C3orf70: variants seen among roughly 807,000 people sequenced by gnomAD.
The protein encoded by C3orf70 is chromosome 3 open reading frame 70.
C3orf70 carries 15 observed loss-of-function variants against 20.7 expected under a neutral mutation model. That is an observed-to-expected ratio of 0.72 (90% CI 0.48 to 1.11). C3orf70 has a LOEUF of 1.11. C3orf70 is among the 50% of genes most tolerant of loss of function. The pLI is 0.00. For synonymous variants in C3orf70, 161 were observed against 125.7 expected, an observed-to-expected ratio of 1.28 and a Z score of -1.88; for missense variants, 332 against 317.6, an observed-to-expected ratio of 1.05 and a Z score of -0.34.
chr3:185,109,356 C>A (rs1425373054), intron 1 of C3orf70, among the ~76,000 whole-genome samples: 2 of 152,124 alleles, frequency 1.3e-5, no homozygotes, highest in East Asian at 1.9e-4. Context: ...TTCTCCAGGT[C>A]AAAATCAACA....
intron 1 of C3orf70, among the ~76,000 whole-genome samples, chr3:185,118,452 G>C (rs1286677044): frequency 6.6e-6 from 1 of 152,112 alleles, no homozygotes; most frequent in Non-Finnish European, 1.5e-5. Flanking sequence ...TTAATGACAA[G>C]GGCTGTGTCT....
chr3:185,152,783 TTCCAACCCCGC>T lies in C3orf70; in HGVS notation c.30_40del (p.Arg11GlufsTer6). 1.3e-6 allele frequency: 2 copies of T among 1,571,764 alleles called. No individual in the cohort carries two copies. The highest frequency in any genetic ancestry group is 1.7e-6 in the Non-Finnish European group (2 of 1,158,512). On this transcript the variant is annotated frameshift_variant, in exon 1 of 2. Coordinates refer to ENST00000335012, the MANE Select transcript of C3orf70 (RefSeq NM_001025266.3). LOFTEE classifies it high-confidence loss of function. ...CTGAGCCTCATCTAGTTTCTCGCTC[TTCCAACCCCGC>T]TCCGACGCCGGCGAGGCCGCCGCAC...
At chr3:185,108,405 CAT>C (rs139838613) in intron 1 of C3orf70, among the ~76,000 whole-genome samples, 1 of 152,338 alleles carries the variant, frequency 6.6e-6, no homozygotes, top group East Asian at 1.9e-4. Flanking sequence ...GTTCATGCCA[CAT>C]AGTTAATTGA....
At chr3:185,147,406 G>A (rs1048754891) in intron 1 of C3orf70, among the ~76,000 whole-genome samples, 4 of 152,020 alleles carry the variant, frequency 2.6e-5, no homozygotes, top group East Asian at 1.9e-4. Context: ...TCATTCTTCC[G>A]GATTTAACTA....
At chr3:185,120,711 A>G (rs1248074050) in intron 1 of C3orf70, among the ~76,000 whole-genome samples, 1 of 150,070 alleles carries the variant, frequency 6.7e-6, no homozygotes, top group East Asian at 1.9e-4. Context: ...CATAATCCAA[A>G]ACTAAAAAAA....
intron 1 of C3orf70, among the ~76,000 whole-genome samples, chr3:185,115,621 G>A (rs16859636): frequency 0.16 from 24,719 of 152,134 alleles, 2,718 homozygotes; most frequent in East Asian, 0.42. Context: ...TTGGGAGTGA[G>A]CCAACCAAAG....
At chr3:185,140,732 T>A (rs1306114411) in intron 1 of C3orf70, among the ~76,000 whole-genome samples, 2 of 150,476 alleles carry the variant, frequency 1.3e-5, no homozygotes, top group Non-Finnish European at 3.0e-5. Context: ...ATGGATCACT[T>A]GAGTCCAGGA....
In C3orf70 at chr3:185,080,749, T is replaced by G. The variant is rs999627486; in HGVS notation, c.*2258A>C. On this transcript the variant is annotated 3_prime_UTR_variant, in exon 2 of 2. Transcript: ENST00000335012. Reference sequence around the variant, plus strand: ...TCGGGCAGGGTTCATCAGATGTCCCTGTGCCACCTGAGCCATGCCCTGGCA... The same window carrying G: ...TCGGGCAGGGTTCATCAGATGTCCCGGTGCCACCTGAGCCATGCCCTGGCA... 1.3e-5 allele frequency: 2 copies of G among 151,958 alleles called. No homozygotes were observed. The highest frequency in any genetic ancestry group is 2.9e-5 in the Non-Finnish European group (2 of 68,012). The allele number at this position is 151,958 out of a possible 1,614,324, so 9.4% of individuals were successfully genotyped here.
chr3:185,151,779 A>G (rs1181349458), intron 1 of C3orf70, among the ~76,000 whole-genome samples: 5 of 152,220 alleles, frequency 3.3e-5, no homozygotes, highest in Non-Finnish European at 7.3e-5. Context: ...ACTTTAGAAT[A>G]TATTTCTTAA....
chr3:185,152,735 G>A lies in C3orf70; in HGVS notation c.89C>T (p.Ala30Val), dbSNP rs865773959. 4 of 1,594,256 alleles carry A rather than the reference G, an allele frequency of 2.5e-6. No homozygotes were observed. The highest frequency in any genetic ancestry group is 1.7e-4 in the Middle Eastern group (1 of 6,014). The change falls in exon 1 of 2, where the codon GCC becomes GTC. Residue 30 changes from alanine (A) to valine (V), a missense_variant. Physicochemically the swap from Ala to Val is moderately conservative, Grantham distance 64. Coordinates refer to ENST00000335012, the MANE Select transcript of C3orf70 (RefSeq NM_001025266.3). ...EAQALARSCA[A>V]RRPDFQPCDG... is the part of the protein sequence containing the mutation. ...GCACGGCTGGAAGTCGGGTCTGCGG[G>A]CGGCGCAACTCCGCGCCAGGGCCTG...
chr3:185,081,676 AT>A lies in C3orf70; in HGVS notation c.*1330del, dbSNP rs1397242914. The stretch of plus-strand genomic sequence containing the variant: ...GGTATAAATGGAGAGTAGAAGTAGA[AT>A]TCTGAAGAGAGCTAAATAAGAAAGA... On this transcript the variant is annotated 3_prime_UTR_variant, in exon 2 of 2. Coordinates refer to ENST00000335012, the MANE Select transcript of C3orf70 (RefSeq NM_001025266.3). 3.3e-5 allele frequency: 5 copies of A among 152,772 alleles called. No individual in the cohort carries two copies. The East Asian group carries it at 7.7e-4, about 24-fold the overall frequency. 9.5% of individuals were successfully genotyped at this position (152,772 alleles called of 1,614,324 possible). A position where few individuals can be genotyped will look rare whatever the true frequency, so the allele number is the denominator to read the frequency against.
chr3:185,127,743 ATT>A (rs1336967517), intron 1 of C3orf70, among the ~76,000 whole-genome samples: 3 of 152,028 alleles, frequency 2.0e-5, no homozygotes, highest in African/African-American at 4.8e-5. Flanking sequence ...ACCGGCCACT[ATT>A]TGTTTTTTTA....
At chr3:185,112,915 A>G (rs1439140895) in intron 1 of C3orf70, among the ~76,000 whole-genome samples, 1 of 152,198 alleles carries the variant, frequency 6.6e-6, no homozygotes, top group African/African-American at 2.4e-5. Context: ...TATACAATAA[A>G]TAATAACCAA....
At chr3:185,085,335 T>G in intron 1 of C3orf70, among the ~76,000 whole-genome samples, 1 of 152,128 alleles carries the variant, frequency 6.6e-6, no homozygotes, top group East Asian at 1.9e-4. Context: ...AGGCCACAAA[T>G]CATGCAACAT....
intron 1 of C3orf70, among the ~76,000 whole-genome samples, chr3:185,143,492 G>T (rs1190924454): frequency 6.6e-6 from 1 of 152,160 alleles, no homozygotes; most frequent in Non-Finnish European, 1.5e-5. Flanking sequence ...TACTTGGGAA[G>T]GCATTGTACA....
At chr3:185,129,876 T>C (rs1179185225) in intron 1 of C3orf70, among the ~76,000 whole-genome samples, 1 of 152,176 alleles carries the variant, frequency 6.6e-6, no homozygotes, top group Non-Finnish European at 1.5e-5. Flanking sequence ...TATATTACAA[T>C]AAACAGACTA....
intron 1 of C3orf70, among the ~76,000 whole-genome samples, chr3:185,106,431 G>A (rs188686772): frequency 1.1e-3 from 171 of 152,170 alleles, no homozygotes; most frequent in African/African-American, 3.7e-3. Flanking sequence ...TGGGAAGCAC[G>A]GTCATACTAA....
At chr3:185,101,055 A>T (rs1448801252) in intron 1 of C3orf70, among the ~76,000 whole-genome samples, 1 of 152,136 alleles carries the variant, frequency 6.6e-6, no homozygotes, top group Non-Finnish European at 1.5e-5. Flanking sequence ...CCCACCAATT[A>T]AAAAAAGCCC....
chr3:185,091,912 C>T (rs13086641), intron 1 of C3orf70, among the ~76,000 whole-genome samples: 506 of 35,446 alleles, frequency 0.014, 5 homozygotes, highest in Non-Finnish European at 0.02. Context: ...CACACACATA[C>T]ATATATATAT....
Sources: gnomAD v4.1 joint callset for allele counts (sites outside exome capture counted in the v4.1 genomes callset) on GRCh38, gnomAD v4.1.1 for gene constraint, MANE v1.5 for transcripts, NCBI Gene and HGNC (gene_info 2026-07-23, HGNC 2026-07-21) for gene names.